SPON1: variants seen among roughly 807,000 people sequenced by gnomAD.
The protein encoded by SPON1 is spondin 1.
A neutral mutation model predicts 111.7 loss-of-function variants in SPON1; 52 were observed. The observed-to-expected ratio is 0.47, with a 90% CI of 0.37 to 0.59. The LOEUF (loss-of-function observed/expected upper bound fraction) is 0.59. Among genes scored for constraint, SPON1 ranks in the 20% least tolerant of loss-of-function variants. SPON1 has a pLI of 0.00. For missense variants in SPON1, 957 were observed against 1,068.5 expected (o/e 0.90, Z 1.46); for synonymous variants, 410 against 395.8 (o/e 1.04, Z -0.43).
At chr11:13,969,090 G>A (rs1848042250) in intron 1 of SPON1, among the ~76,000 whole-genome samples, 1 of 151,856 alleles carries the variant, frequency 6.6e-6, no homozygotes, top group Non-Finnish European at 1.5e-5. Context: ...CTAAGAATCA[G>A]CAGAGGAAGC....
chr11:14,256,746 A>G, intron 10 of SPON1, 54 bp downstream of exon 10: 1 of 1,405,854 alleles, frequency 7.1e-7, no homozygotes, highest in Non-Finnish European at 1.0e-6. Context: ...TAACCCTTTG[A>G]GAAAGCAATT....
At chr11:13,971,426 A>G (rs1466212651) in intron 1 of SPON1, among the ~76,000 whole-genome samples, 1 of 152,196 alleles carries the variant, frequency 6.6e-6, no homozygotes, top group African/African-American at 2.4e-5. Flanking sequence ...AAACCTAGAC[A>G]TCAATTATTA....
At chr11:14,265,401 C>G in intron 15 of SPON1, 123 bp from the exon 16 acceptor site, 1 of 1,148,558 alleles carries the variant, frequency 8.7e-7, no homozygotes, top group East Asian at 2.6e-5. Flanking sequence ...CGACTCTAAC[C>G]AATCATTACA....
chr11:13,963,843 C>T (rs1370192546), intron 1 of SPON1, among the ~76,000 whole-genome samples: 6 of 152,158 alleles, frequency 3.9e-5, no homozygotes, highest in Non-Finnish European at 8.8e-5. Context: ...CCTCAAAGAG[C>T]TTGGGGTAAG....
chr11:14,066,628 T>C (rs1848834607), intron 3 of SPON1, among the ~76,000 whole-genome samples: 1 of 152,196 alleles, frequency 6.6e-6, no homozygotes, highest in Non-Finnish European at 1.5e-5. Flanking sequence ...TACAGGCATG[T>C]GAAAGCTTCC....
chr11:14,207,868 A>G (rs1554936344), intron 6 of SPON1, among the ~76,000 whole-genome samples: 1 of 152,240 alleles, frequency 6.6e-6, no homozygotes, highest in African/African-American at 2.4e-5. Context: ...TACCCAAAAG[A>G]ATATAAATCA....
chr11:14,218,975 G>C (rs1233433290), intron 6 of SPON1, among the ~76,000 whole-genome samples: 1 of 152,224 alleles, frequency 6.6e-6, no homozygotes, highest in Non-Finnish European at 1.5e-5. Flanking sequence ...CAGTAGGATA[G>C]ATGGGAATGG....
chr11:14,041,715 G>GA (rs369622005), intron 3 of SPON1, 61 bp downstream of exon 3: 36,657 of 1,145,494 alleles, frequency 0.032, no homozygotes, highest in Middle Eastern at 0.045. Flanking sequence ...TGATTGCAGG[G>GA]AAAAAAAAAA....
At chr11:14,133,348 C>T (rs184911827) in intron 5 of SPON1, among the ~76,000 whole-genome samples, 2 of 152,286 alleles carry the variant, frequency 1.3e-5, no homozygotes, top group African/African-American at 4.8e-5. Flanking sequence ...CCTCAAGAAA[C>T]GTTCAGCCTA....
intron 6 of SPON1, among the ~76,000 whole-genome samples, chr11:14,214,836 G>A (rs1848610850): frequency 6.6e-6 from 1 of 152,196 alleles, no homozygotes; most frequent in South Asian, 2.1e-4. Context: ...AACTCCCCCT[G>A]TGAGAGAGGA....
chr11:14,082,800 G>C (rs1848973986), intron 5 of SPON1, among the ~76,000 whole-genome samples: 3 of 152,212 alleles, frequency 2.0e-5, no homozygotes, highest in Admixed American at 1.3e-4. Context: ...AGATGATACT[G>C]TCTTGATAAC....
At chr11:14,263,059 A>T in intron 15 of SPON1, 84 bp downstream of exon 15, 3 of 1,371,380 alleles carry the variant, frequency 2.2e-6, no homozygotes. Flanking sequence ...TGTTTAAAAA[A>T]AAAAAAAAAA....
chr11:14,128,732 T>A (rs1554927250), intron 5 of SPON1, among the ~76,000 whole-genome samples: 2 of 152,338 alleles, frequency 1.3e-5, no homozygotes, highest in East Asian at 3.9e-4. Flanking sequence ...AGGTTCTCCA[T>A]GAGGGCTCTG....
intron 2 of SPON1, among the ~76,000 whole-genome samples, chr11:13,989,511 A>G (rs1444792728): frequency 6.6e-6 from 1 of 151,850 alleles, no homozygotes; most frequent in African/African-American, 2.4e-5. Context: ...GGATTCATTG[A>G]TTTTTTTGAA....
At chr11:13,991,580 A>G (rs1477792743) in intron 2 of SPON1, among the ~76,000 whole-genome samples, 1 of 152,176 alleles carries the variant, frequency 6.6e-6, no homozygotes, top group South Asian at 2.1e-4. Flanking sequence ...ACTTCTGTCA[A>G]TTCATCAAAC....
At chr11:14,010,342 G>A (rs1388920564) in intron 2 of SPON1, among the ~76,000 whole-genome samples, 1 of 152,008 alleles carries the variant, frequency 6.6e-6, no homozygotes, top group Non-Finnish European at 1.5e-5. Context: ...AGAGATGAGA[G>A]GGGGATGGGA....
intron 3 of SPON1, 29 bp from the exon 4 acceptor site, chr11:14,075,316 C>T: frequency 6.5e-7 from 1 of 1,543,104 alleles, no homozygotes; most frequent in Non-Finnish European, 8.8e-7. Flanking sequence ...CCCTCCTCAC[C>T]ACTGTGCTTG....
chr11:14,020,642 T>C (rs1234371667), intron 2 of SPON1, among the ~76,000 whole-genome samples: 11 of 152,106 alleles, frequency 7.2e-5, no homozygotes, highest in African/African-American at 2.2e-4. Context: ...TTGTTTGTTA[T>C]AGCAAAACAA....
At position 14,160,255 on chromosome 11, in the gene SPON1, A is replaced by G. The variant is rs1247377250; in HGVS notation, c.825+24687A>G. ...AGTGAGGTTACATCCTGATAAACTC[A>G]GGATGTTTTATCAGTTACAACTGAA... On this transcript the variant is annotated intron_variant, in intron 6 of 15. Coordinates refer to ENST00000576479, the MANE Select transcript of SPON1 (RefSeq NM_006108.4). 4.8e-5 allele frequency among the ~76,000 whole-genome samples: 7 copies of G among 146,562 alleles called. No individual in the cohort carries two copies. In the East Asian group the frequency reaches 1.4e-3, roughly 30 times the overall value.
Sources: gnomAD v4.1 joint callset for allele counts (sites outside exome capture counted in the v4.1 genomes callset) on GRCh38, gnomAD v4.1.1 for gene constraint, MANE v1.5 for transcripts, NCBI Gene and HGNC (gene_info 2026-07-23, HGNC 2026-07-21) for gene names.